The following LAMA2 variants were observed in gnomAD, a reference collection of about 807,000 sequenced individuals.
LAMA2 encodes laminin subunit alpha 2.
Under a neutral mutation model 364.8 loss-of-function variants are expected in LAMA2, and 269 were observed. The ratio of observed to expected loss-of-function variants is 0.74; its 90% CI spans 0.67 to 0.82. The LOEUF (loss-of-function observed/expected upper bound fraction) is 0.82. Among genes scored for constraint, LAMA2 ranks in the 40% least tolerant of loss-of-function variants. The pLI, the probability that LAMA2 is intolerant of heterozygous loss-of-function variation, is 0.00. For synonymous variants in LAMA2, 1,379 were observed against 1,370.6 expected, an observed-to-expected ratio of 1.01 and a Z score of -0.14; for missense variants, 3,807 against 3,873.2, an observed-to-expected ratio of 0.98 and a Z score of 0.45.
intron 4 of LAMA2, among the ~76,000 whole-genome samples, chr6:129,114,719 T>A (rs2114907362): frequency 6.6e-6 from 1 of 152,064 alleles, no homozygotes; most frequent in Admixed American, 6.6e-5. Flanking sequence ...AGCTTTTGGG[T>A]TCCATGAGGG....
intron 41 of LAMA2, among the ~76,000 whole-genome samples, chr6:129,431,243 G>A (rs535311569): frequency 4.0e-5 from 6 of 151,620 alleles, no homozygotes; most frequent in South Asian, 2.1e-4. Context: ...TACTAAAAAC[G>A]CAAAAATTAG....
chr6:129,182,177 G>C (rs1288288040), intron 10 of LAMA2, among the ~76,000 whole-genome samples: 3 of 151,798 alleles, frequency 2.0e-5, no homozygotes, highest in Admixed American at 2.0e-4. Flanking sequence ...GTAAAATTGA[G>C]ATAATTTTTA....
rs1036029893 is a variant in LAMA2 at position 129,098,392 on chromosome 6, A to G, written c.616A>G (p.Ile206Val). 1 of 1,614,048 alleles carries G rather than the reference A, an allele frequency of 6.2e-7. No individual in the cohort carries two copies. Among genetic ancestry groups the G allele is most frequent in the Non-Finnish European group, 8.5e-7 (1 of 1,179,952 alleles). The change falls in exon 4 of 65, where the codon ATA (isoleucine) becomes GTA (valine). Residue 206 changes from isoleucine to valine, a missense_variant. Physicochemically the swap from Ile to Val is conservative, Grantham distance 29. Around this residue, in one of 3 missense-constraint regions of LAMA2, gnomAD observed 394 missense variants for 403.5 expected, o/e 0.98. Transcript: ENST00000421865. ...EVICTSFYSK[I>V]HPLENGEIHI... ...CATCTGCACTTCATTTTACTCCAAG[A>G]TACACCCCTTAGAAAATGGAGAGGT...
rs1787884705 is a variant in LAMA2, at chr6:129,050,044, A to G, written c.239A>G (p.Asn80Ser). Residue 80 changes from asparagine to serine, a missense_variant, in exon 2 of 65, where the codon AAC becomes AGC. Around this residue, in one of 3 missense-constraint regions of LAMA2, gnomAD observed 394 missense variants for 403.5 expected, o/e 0.98. Coordinates refer to ENST00000421865, the MANE Select transcript of LAMA2 (RefSeq NM_000426.4). ...VEHVPGQPVR[N>S]PQCRICNQNS... Reference sequence around the variant, plus strand: ...CATGTCCCTGGGCAGCCTGTGAGGAACCCGCAGTGTCGAATCTGCAATCAA... The same window carrying G: ...CATGTCCCTGGGCAGCCTGTGAGGAGCCCGCAGTGTCGAATCTGCAATCAA... 3.7e-6 allele frequency: 6 copies of G among 1,614,134 alleles called. No individual in the cohort carries two copies. In the East Asian group the frequency reaches 1.3e-4, roughly 36 times the overall value.
At chr6:129,154,036 T>C (rs1358870791) in intron 7 of LAMA2, among the ~76,000 whole-genome samples, 3 of 152,226 alleles carry the variant, frequency 2.0e-5, no homozygotes, top group Admixed American at 2.0e-4. Context: ...TTAAAATGTG[T>C]GAATTTATTA....
chr6:129,447,839 T>G (rs757584323), intron 45 of LAMA2, among the ~76,000 whole-genome samples: 2 of 152,262 alleles, frequency 1.3e-5, no homozygotes, highest in Non-Finnish European at 2.9e-5. Flanking sequence ...AATCTCACAT[T>G]TAGCCACATT....
chr6:129,200,340 G>GTGTACACATATACATGTGTGTATATA lies in LAMA2; in HGVS notation c.1782+7488_1782+7489insGTACACATATACATGTGTGTATATAT, dbSNP rs1782176754. On this transcript the variant is annotated intron_variant, in intron 12 of 64. Coordinates refer to ENST00000421865, the MANE Select transcript of LAMA2 (RefSeq NM_000426.4). ...TACGTGTACACATATACATATACAC[G>GTGTACACATATACATGTGTGTATATA]TATATGTGTACACATATACATATAC... Among the ~76,000 whole-genome samples the GTGTACACATATACATGTGTGTATATA allele has an allele frequency of 1.4e-4, 16 of 116,274 alleles. 3 individuals are homozygous for GTGTACACATATACATGTGTGTATATA. The highest frequency in any genetic ancestry group is 1.2e-3 in the Admixed American group (15 of 12,332). 76.3% of individuals were successfully genotyped at this position (116,274 alleles called of 152,430 possible). A position where few individuals can be genotyped will look rare whatever the true frequency, so the allele number is the denominator to read the frequency against.
intron 1 of LAMA2, among the ~76,000 whole-genome samples, chr6:128,885,177 T>C (rs1776075214): frequency 6.6e-6 from 1 of 152,198 alleles, no homozygotes. Flanking sequence ...TAGTATATAT[T>C]ATTGTCTTTG....
intron 27 of LAMA2, among the ~76,000 whole-genome samples, chr6:129,319,286 G>T (rs1269559004): frequency 6.6e-6 from 1 of 152,020 alleles, no homozygotes; most frequent in Admixed American, 6.6e-5. Flanking sequence ...ATTGAATGGG[G>T]AATGACCTTG....
intron 2 of LAMA2, among the ~76,000 whole-genome samples, chr6:129,053,165 G>A (rs1019298410): frequency 3.3e-5 from 5 of 152,096 alleles, no homozygotes; most frequent in Non-Finnish European, 7.4e-5. Flanking sequence ...CGCAACCTCC[G>A]CCTCCCGGGT....
At chr6:129,293,428 A>T (rs1789858410) in intron 20 of LAMA2, among the ~76,000 whole-genome samples, 1 of 152,174 alleles carries the variant, frequency 6.6e-6, no homozygotes, top group African/African-American at 2.4e-5. Flanking sequence ...AATGAAGGAA[A>T]ATCTAGCAGA....
At chr6:129,259,843 A>G (rs890348743) in intron 14 of LAMA2, among the ~76,000 whole-genome samples, 6 of 152,146 alleles carry the variant, frequency 3.9e-5, no homozygotes, top group African/African-American at 1.4e-4. Context: ...AATATCAGAG[A>G]CAGGATATAA....
At chr6:129,060,725 A>T (rs943573460) in intron 3 of LAMA2, among the ~76,000 whole-genome samples, 1 of 152,202 alleles carries the variant, frequency 6.6e-6, no homozygotes, top group African/African-American at 2.4e-5. Flanking sequence ...GATCAGCACA[A>T]GACATTTTCC....
Position 129,427,792 on chromosome 6 carries a change from G to T in LAMA2, c.5906G>T (p.Gly1969Val). The stretch of plus-strand genomic sequence containing the variant: ...GGTTTATTAAAGGAAGATGCCAAAG[G>T]CTGTCTTCAGAAAAGCTTCAGGATT... ...PRGLLKEDAK[G>V]CLQKSFRILN... Residue 1969 changes from glycine to valine, a missense_variant, in exon 41 of 65, where the codon GGC becomes GTC. Gly to Val is a moderately radical substitution (Grantham distance 109, BLOSUM62 -3). This residue lies in a region of LAMA2 where 3,333 missense variants were observed against 3,345.7 expected (regional missense o/e 1.00). Transcript: ENST00000421865. The T allele has an allele frequency of 6.2e-7, 1 of 1,613,778 alleles. No individual in the cohort carries two copies. The highest frequency in any genetic ancestry group is 8.5e-7 in the Non-Finnish European group (1 of 1,179,828).
At chr6:129,125,702 C>G (rs752737758) in intron 4 of LAMA2, among the ~76,000 whole-genome samples, 3 of 152,032 alleles carry the variant, frequency 2.0e-5, no homozygotes, top group Non-Finnish European at 4.4e-5. Context: ...GCAAGGAGTC[C>G]AGGTCCATAA....
At chr6:129,169,253 A>T (rs1779973809) in intron 9 of LAMA2, among the ~76,000 whole-genome samples, 2 of 147,158 alleles carry the variant, frequency 1.4e-5, no homozygotes, top group African/African-American at 5.3e-5. Flanking sequence ...TTTCAAAGGG[A>T]ATGCTTCCAG....
At chr6:129,383,079 A>G in intron 34 of LAMA2, 43 bp from the exon 35 acceptor site, 1 of 1,500,266 alleles carries the variant, frequency 6.7e-7, no homozygotes, top group African/African-American at 1.4e-5. Flanking sequence ...CTGTAGCTTC[A>G]TCATCTCTAT....
chr6:128,928,667 G>A (rs1186524247), intron 1 of LAMA2, among the ~76,000 whole-genome samples: 1 of 152,180 alleles, frequency 6.6e-6, no homozygotes. Context: ...GTGTTAAAAA[G>A]TCTTTTATGC....
intron 14 of LAMA2, among the ~76,000 whole-genome samples, chr6:129,257,747 T>G (rs949980436): frequency 6.6e-6 from 1 of 152,132 alleles, no homozygotes; most frequent in Non-Finnish European, 1.5e-5. Context: ...GGCAGTTAGA[T>G]TTCACAATAC....
Sources: allele counts gnomAD v4.1 joint callset (sites outside exome capture counted in the v4.1 genomes callset), GRCh38; gene constraint gnomAD v4.1.1; regional missense constraint gnomAD v4.1.1; transcripts MANE v1.5; gene names NCBI Gene and HGNC (gene_info 2026-07-23, HGNC 2026-07-21).